CDA: variants seen among roughly 807,000 people sequenced by gnomAD.
CDA encodes cytidine aminohydrolase.
In CDA, 7 loss-of-function variants were observed where a neutral mutation model predicts 15.0. The observed-to-expected ratio is 0.47, with a 90% CI of 0.26 to 0.87. CDA has a LOEUF of 0.87. CDA is among the 40% of genes least tolerant of loss of function. The probability of loss-of-function intolerance (pLI) is 0.15; values close to 1 mark genes in which losing one functional copy is unlikely to be tolerated. For missense variants in CDA, 159 were observed against 182.7 expected (o/e 0.87, Z 0.75); for synonymous variants, 58 against 73.0 (o/e 0.79, Z 1.05).
At chr1:20,612,110 G>C (rs1301065758) in intron 2 of CDA, among the ~76,000 whole-genome samples, 1 of 151,852 alleles carries the variant, frequency 6.6e-6, no homozygotes, top group Non-Finnish European at 1.5e-5. Flanking sequence ...TGATCCATCC[G>C]CCTCAGCCTC....
At chr1:20,608,692 G>T (rs1255660113) in intron 2 of CDA, among the ~76,000 whole-genome samples, 1 of 152,220 alleles carries the variant, frequency 6.6e-6, no homozygotes, top group African/African-American at 2.4e-5. Context: ...TTATAGGCAT[G>T]AGCAACCGCA....
At chr1:20,615,579 T>C (rs1001440321) in intron 3 of CDA, among the ~76,000 whole-genome samples, 2 of 151,970 alleles carry the variant, frequency 1.3e-5, no homozygotes, top group Non-Finnish European at 2.9e-5. Context: ...TGTTTATATG[T>C]ACGTTTGGGG....
At chr1:20,612,506 C>T (rs1354278366) in intron 2 of CDA, among the ~76,000 whole-genome samples, 1 of 152,016 alleles carries the variant, frequency 6.6e-6, no homozygotes, top group Non-Finnish European at 1.5e-5. Flanking sequence ...CCGTGTGACC[C>T]CCGCCCCTGC....
At chr1:20,592,264 G>A (rs1041280630) in intron 1 of CDA, among the ~76,000 whole-genome samples, 13 of 152,134 alleles carry the variant, frequency 8.5e-5, no homozygotes, top group African/African-American at 2.2e-4. Context: ...CACTCTGATC[G>A]GTTGGTGCCT....
At chr1:20,594,333 GA>G (rs1487948748) in intron 1 of CDA, among the ~76,000 whole-genome samples, 2 of 152,140 alleles carry the variant, frequency 1.3e-5, no homozygotes, top group Admixed American at 1.3e-4. Context: ...AGGTTTTCAT[GA>G]TGCACCTCGG....
At chr1:20,607,791 C>A (rs1043721510) in intron 2 of CDA, among the ~76,000 whole-genome samples, 2 of 152,146 alleles carry the variant, frequency 1.3e-5, no homozygotes, top group Non-Finnish European at 2.9e-5. Context: ...AAATTGAGAG[C>A]GTTTGTGGAT....
chr1:20,615,454 G>A (rs1013611398), intron 3 of CDA, among the ~76,000 whole-genome samples: 8 of 97,574 alleles, frequency 8.2e-5, no homozygotes, highest in Admixed American at 1.5e-4. Flanking sequence ...GCAACATAGC[G>A]AGACCCTGTT....
At chr1:20,601,901 G>A (rs1477764250) in intron 1 of CDA, among the ~76,000 whole-genome samples, 1 of 152,090 alleles carries the variant, frequency 6.6e-6, no homozygotes, top group Non-Finnish European at 1.5e-5. Flanking sequence ...GGCCAAGGTA[G>A]GTGGATCACT....
intron 2 of CDA, among the ~76,000 whole-genome samples, chr1:20,611,317 G>A (rs2052748591): frequency 2.0e-5 from 3 of 152,238 alleles, no homozygotes; most frequent in Admixed American, 2.0e-4. Flanking sequence ...TAAGAAGGAT[G>A]GTGGCTGCTG....
rs1048977 is a variant in CDA at position 20,618,562 on chromosome 1, C to T, written c.435C>T (p.Thr145=). ...SSFGPEDLQK[T]Q ...TTGGGCCTGAGGACCTGCAGAAGAC[C>T]CAGTGACAGCCAGAGAATGCCCACT... The change falls in exon 4 of 4, where the codon ACC becomes ACT. Residue 145 remains threonine, a synonymous_variant. Coordinates refer to ENST00000375071, the MANE Select transcript of CDA (RefSeq NM_001785.3). The T allele has an allele frequency of 0.32, 502,916 of 1,580,002 alleles. 81,410 individuals are homozygous for T. The highest frequency in any genetic ancestry group is 0.38 in the African/African-American group (28,403 of 74,084).
intron 3 of CDA, among the ~76,000 whole-genome samples, chr1:20,617,871 T>C (rs2154532973): frequency 6.6e-6 from 1 of 152,070 alleles, no homozygotes; most frequent in South Asian, 2.1e-4. Flanking sequence ...AATTTTTGTA[T>C]TTTTAGGAGA....
At chr1:20,594,231 T>A (rs1315003474) in intron 1 of CDA, among the ~76,000 whole-genome samples, 4 of 152,194 alleles carry the variant, frequency 2.6e-5, no homozygotes, top group African/African-American at 9.7e-5. Flanking sequence ...ATAATGATCA[T>A]CATTTTCTCT....
At chr1:20,604,361 T>A (rs1355637833) in intron 1 of CDA, among the ~76,000 whole-genome samples, 1 of 152,178 alleles carries the variant, frequency 6.6e-6, no homozygotes, top group Non-Finnish European at 1.5e-5. Context: ...TGCTATGTCC[T>A]CATGCGGCAG....
intron 3 of CDA, among the ~76,000 whole-genome samples, chr1:20,617,236 G>A (rs951043782): frequency 1.3e-5 from 2 of 152,172 alleles, no homozygotes; most frequent in African/African-American, 2.4e-5. Context: ...GCTCCTCATA[G>A]TATAGGAGAA....
intron 1 of CDA, among the ~76,000 whole-genome samples, chr1:20,597,874 C>T (rs2101179785): frequency 6.8e-6 from 1 of 146,096 alleles, no homozygotes; most frequent in East Asian, 2.1e-4. Context: ...CAAAGGCTTC[C>T]TTCCTTTTTT....
chr1:20,611,021 C>T (rs922208186), intron 2 of CDA, among the ~76,000 whole-genome samples: 3 of 152,188 alleles, frequency 2.0e-5, no homozygotes, highest in Admixed American at 6.5e-5. Context: ...GCAAAGATCT[C>T]TTGAGCCCAG....
intron 2 of CDA, among the ~76,000 whole-genome samples, chr1:20,608,488 C>T (rs2052715093): frequency 6.9e-6 from 1 of 145,948 alleles, no homozygotes; most frequent in Non-Finnish European, 1.5e-5. Flanking sequence ...CGGCTCACTG[C>T]AACCTCCGCC....
Position 20,589,409 on chromosome 1 carries a change from A to G in CDA, c.154+126A>G, listed in dbSNP as rs764033967. ...GCGCGGCTCTGTCCCTTCTTCCCCC[A>G]GTCTCCGCTGGAATGTTCCTACCCT... is the stretch of plus-strand genomic sequence containing the variant. On this transcript the variant is annotated intron_variant, in intron 1 of 3. Transcript: ENST00000375071. The G allele has an allele frequency of 2.9e-4, 263 of 921,280 alleles. 1 individual carries two copies. The highest frequency in any genetic ancestry group is 1.3e-3 in the Middle Eastern group (4 of 3,048). 57.1% of individuals were successfully genotyped at this position (921,280 alleles called of 1,614,324 possible). A position where few individuals can be genotyped will look rare whatever the true frequency, so the allele number is the denominator to read the frequency against.
chr1:20,604,858 C>T, intron 1 of CDA, 70 bp from the exon 2 acceptor site: 1 of 1,062,214 alleles, frequency 9.4e-7, no homozygotes. Flanking sequence ...ATGGGGCAAA[C>T]TTCTTACTCA....
Sources: gnomAD v4.1 joint callset for allele counts (sites outside exome capture counted in the v4.1 genomes callset) on GRCh38, gnomAD v4.1.1 for gene constraint, MANE v1.5 for transcripts, NCBI Gene and HGNC (gene_info 2026-07-23, HGNC 2026-07-21) for gene names.